COL1A2: variants seen among roughly 807,000 people sequenced by gnomAD.
COL1A2 encodes the protein collagen type I alpha 2 chain.
COL1A2 carries 49 observed loss-of-function variants against 174.3 expected under a neutral mutation model. The ratio of observed to expected loss-of-function variants is 0.28; its 90% CI spans 0.22 to 0.36. The LOEUF is 0.36. Ranked by LOEUF, COL1A2 falls within the 10% of genes least tolerant of loss-of-function variation. The pLI is 1.00. For synonymous variants in COL1A2, 655 were observed against 606.6 expected (o/e 1.08, Z -1.17); for missense variants, 1,438 against 1,822.7 (o/e 0.79, Z 3.84).
chr7:94,424,935 T>A (rs1323071681), intron 41 of COL1A2, 182 bp from the exon 42 acceptor site: 5 of 640,704 alleles, frequency 7.8e-6, no homozygotes, highest in African/African-American at 1.8e-5. Flanking sequence ...GCTGGCCATC[T>A]ACATGTGGAG....
chr7:94,402,716 T>A (rs758570751), intron 6 of COL1A2, among the ~76,000 whole-genome samples: 17 of 152,122 alleles, frequency 1.1e-4, no homozygotes, highest in Non-Finnish European at 2.4e-4. Flanking sequence ...AATTTAGTGA[T>A]TTTAATTAAT....
In COL1A2 at chr7:94,407,931, A is replaced by G. The variant is rs373292107; in HGVS notation, c.639+40A>G. On this transcript the variant is annotated intron_variant, in intron 13 of 51. Coordinates refer to ENST00000297268, the MANE Select transcript of COL1A2 (RefSeq NM_000089.4). ...CTTCATTGTAAATTTAAATGTGTAC[A>G]CTCTTTATGAGATGGAACTTCTTTA... The G allele has an allele frequency of 3.2e-6, 5 of 1,552,874 alleles. No homozygotes were observed. In the Admixed American group the frequency reaches 8.4e-5, roughly 26 times the overall value.
In COL1A2 at chr7:94,413,715, A is replaced by G. The variant is rs41317144; in HGVS notation, c.1583A>G (p.Asn528Ser). ...ARGAPGPDGN[N>S]GAQGPPGPQG... ...GGTGCTCCAGGTCCTGATGGAAACA[A>G]TGGTGCTCAGGGACCTCCTGGACCA... Residue 528 changes from asparagine to serine, a missense_variant, in exon 27 of 52, where the codon AAT becomes AGT. Around this residue, in one of 3 missense-constraint regions of COL1A2, gnomAD observed 867 missense variants for 1,213.7 expected, o/e 0.71. Transcript: ENST00000297268. The G allele has an allele frequency of 6.6e-5, 107 of 1,614,082 alleles. No individual in the cohort carries two copies. The Admixed American group carries it at 6.7e-4, about 10-fold the overall frequency.
intron 51 of COL1A2, chr7:94,429,843 AATGCTTTTTCTACAAT>A (rs1792363337): frequency 4.0e-6 from 1 of 252,100 alleles, no homozygotes; most frequent in Admixed American, 5.1e-5. Flanking sequence ...TTTAACTTTT[AATGCTTTTTCTACAAT>A]ATGCTATAAA....
chr7:94,418,713 C>T (rs899667698), intron 33 of COL1A2, among the ~76,000 whole-genome samples, 161 bp downstream of exon 33: 3 of 152,014 alleles, frequency 2.0e-5, no homozygotes, highest in African/African-American at 7.3e-5. Flanking sequence ...TATCATTTTA[C>T]ATGTTCCAAA....
intron 29 of COL1A2, among the ~76,000 whole-genome samples, 182 bp from the exon 30 acceptor site, chr7:94,415,044 A>G (rs761290748): frequency 7.2e-5 from 11 of 152,220 alleles, no homozygotes; most frequent in Non-Finnish European, 1.5e-4. Flanking sequence ...TGTCACCAAT[A>G]AAATTCTCTC....
intron 28 of COL1A2, 60 bp from the exon 29 acceptor site, chr7:94,414,162 A>T (rs1193927572): frequency 7.0e-6 from 11 of 1,578,146 alleles, no homozygotes; most frequent in Non-Finnish European, 9.6e-6. Context: ...AAACTCAATT[A>T]TTAGCAAATC....
At chr7:94,408,312 A>T (rs765214534) in intron 14 of COL1A2, 24 bp from the exon 15 acceptor site, 7 of 1,613,876 alleles carry the variant, frequency 4.3e-6, no homozygotes, top group Non-Finnish European at 5.9e-6. Context: ...TTTCCACCTG[A>T]TCTTCCCTTT....
intron 19 of COL1A2, 36 bp from the exon 20 acceptor site, chr7:94,410,205 GT>G (rs766177730): frequency 2.5e-6 from 4 of 1,607,902 alleles, no homozygotes; most frequent in Non-Finnish European, 3.4e-6. Context: ...TTCAACAAAT[GT>G]TTGTCCTTTG....
intron 5 of COL1A2, among the ~76,000 whole-genome samples, chr7:94,401,362 G>A (rs1444325273): frequency 6.6e-6 from 1 of 151,980 alleles, no homozygotes; most frequent in Admixed American, 6.6e-5. Flanking sequence ...AGAGGTGTCG[G>A]CCAAGTTTTT....
chr7:94,407,943 A>G (rs1305278433), intron 13 of COL1A2, 52 bp downstream of exon 13: 1 of 1,515,400 alleles, frequency 6.6e-7, no homozygotes, highest in African/African-American at 1.4e-5. Flanking sequence ...TCTTTATGAG[A>G]TGGAACTTCT....
At chr7:94,409,198 G>C in intron 16 of COL1A2, 124 bp from the exon 17 acceptor site, 1 of 958,918 alleles carries the variant, frequency 1.0e-6, no homozygotes, top group South Asian at 1.3e-5. Flanking sequence ...TAATAAAACG[G>C]ATAAGAAAAA....
chr7:94,427,632 C>T lies in COL1A2; in HGVS notation c.3273C>T (p.Pro1091=), dbSNP rs563540756. The T allele has an allele frequency of 3.1e-6, 5 of 1,614,058 alleles. No homozygotes were observed. The highest frequency in any genetic ancestry group is 4.2e-6 in the Non-Finnish European group (5 of 1,179,994). The part of the protein sequence containing the change: ...GPQGHQGPAG[P]PGPPGPPGPP... ...TCTCACTTTCACCTTTGCAGGGCCC[C>T]CCTGGTCCCCCTGGCCCTCCTGGAC... Residue 1091 remains proline, a synonymous_variant, in exon 49 of 52, where the codon CCC becomes CCT. Coordinates refer to ENST00000297268, the MANE Select transcript of COL1A2 (RefSeq NM_000089.4).
At chr7:94,413,192 C>CT (rs35404351) in intron 26 of COL1A2, 56 bp downstream of exon 26, 9,161 of 1,308,758 alleles carry the variant, frequency 7.0e-3, no homozygotes, top group Non-Finnish European at 8.5e-3. Flanking sequence ...AAGAACCACA[C>CT]TTTTTTTTTT....
intron 3 of COL1A2, 148 bp from the exon 4 acceptor site, chr7:94,398,901 T>C: frequency 2.6e-6 from 2 of 761,970 alleles, no homozygotes; most frequent in Non-Finnish European, 4.5e-6. Flanking sequence ...CTTTTATCTA[T>C]TGCATTGTGT....
intron 1 of COL1A2, 161 bp downstream of exon 1, chr7:94,395,262 A>G (rs1243186650): frequency 1.3e-6 from 1 of 765,096 alleles, no homozygotes; most frequent in East Asian, 2.5e-5. Flanking sequence ...AAACATGGAA[A>G]TTACTTTAAA....
chr7:94,413,062 T>C (rs1791960814), intron 25 of COL1A2, 21 bp from the exon 26 acceptor site: 2 of 1,613,254 alleles, frequency 1.2e-6, no homozygotes, highest in Non-Finnish European at 1.7e-6. Context: ...TTCTTTGTTT[T>C]GTTTTTCATT....
chr7:94,425,275 G>A lies in COL1A2; in HGVS notation c.2781+51G>A, dbSNP rs759685364. On this transcript the variant is annotated intron_variant, in intron 42 of 51. Transcript: ENST00000297268. Reference sequence around the variant, plus strand: ...ATAAAACTGAGCAGGATTTCATTGTGTGAAACTTTATGTCCTGAGCTGAGG... The same window carrying A: ...ATAAAACTGAGCAGGATTTCATTGTATGAAACTTTATGTCCTGAGCTGAGG... 4 of 1,538,106 alleles carry A rather than the reference G, an allele frequency of 2.6e-6. No homozygotes were observed. In the Admixed American group the frequency reaches 6.7e-5, roughly 26 times the overall value.
In COL1A2 at chr7:94,413,208, A is replaced by G. The variant is rs368392544; in HGVS notation, c.1557+72A>G. On this transcript the variant is annotated intron_variant, in intron 26 of 51. Coordinates refer to ENST00000297268, the MANE Select transcript of COL1A2 (RefSeq NM_000089.4). ...AGAACCACACTTTTTTTTTTACACC[A>G]TCTGATATCATTTTGTCACTTTCTT... 1.2e-5 allele frequency: 16 copies of G among 1,372,972 alleles called. 1 individual carries two copies. Among genetic ancestry groups the G allele is most frequent in the East Asian group, 2.3e-5 (1 of 43,672 alleles). The allele number at this position is 1,372,972 out of a possible 1,614,324, so 85.0% of individuals were successfully genotyped here.
Sources: allele counts gnomAD v4.1 joint callset (sites outside exome capture counted in the v4.1 genomes callset), GRCh38; gene constraint gnomAD v4.1.1; regional missense constraint gnomAD v4.1.1; transcripts MANE v1.5; gene names NCBI Gene and HGNC (gene_info 2026-07-23, HGNC 2026-07-21).